SPATA6: variants seen among roughly 807,000 people sequenced by gnomAD.
SPATA6 encodes the protein spermatogenesis-associated protein 6.
Under a neutral mutation model 65.3 loss-of-function variants are expected in SPATA6, and 56 were observed. That is an observed-to-expected ratio of 0.86 (90% CI 0.69 to 1.07). The LOEUF is 1.07. Among genes scored for constraint, SPATA6 ranks in the 50% least tolerant of loss-of-function variants. SPATA6 has a pLI of 0.00. For missense variants in SPATA6, 590 were observed against 594.8 expected, an observed-to-expected ratio of 0.99 and a Z score of 0.08; for synonymous variants, 199 against 213.2, an observed-to-expected ratio of 0.93 and a Z score of 0.58.
the SPATA6 span, among the ~76,000 whole-genome samples, chr1:48,284,757 G>A: frequency 6.6e-6 from 1 of 152,192 alleles, no homozygotes; most frequent in Non-Finnish European, 1.5e-5. Flanking sequence ...ATCACCAGCA[G>A]AGGCTGCAGA....
intron 11 of SPATA6, among the ~76,000 whole-genome samples, chr1:48,331,557 T>A (rs1645914986): frequency 6.6e-6 from 1 of 152,050 alleles, no homozygotes; most frequent in Non-Finnish European, 1.5e-5. Flanking sequence ...CAGAACCTCC[T>A]GGAAATATGG....
chr1:48,413,295 C>CT (rs569870269), intron 3 of SPATA6, 144 bp from the exon 4 acceptor site: 3,090 of 186,246 alleles, frequency 0.017, no homozygotes, highest in Middle Eastern at 0.042. Context: ...ATGTACACTT[C>CT]TTTTTTTTTT....
chr1:48,429,180 G>T (rs1654172219), intron 3 of SPATA6, among the ~76,000 whole-genome samples: 1 of 151,362 alleles, frequency 6.6e-6, no homozygotes. Flanking sequence ...TTTATACTCT[G>T]CTCCCCAATA....
chr1:48,311,636 C>T lies in SPATA6; in HGVS notation c.1195-5758G>A, dbSNP rs181365148. On this transcript the variant is annotated intron_variant, in intron 11 of 12. Coordinates refer to ENST00000371847, the MANE Select transcript of SPATA6 (RefSeq NM_019073.4). ...AACACCTCCAGTCTACAGCTCCCAA[C>T]GTGAGCGACACAGAAGACAAATGAT... Among the ~76,000 whole-genome samples the T allele has an allele frequency of 1.2e-3, 179 of 152,314 alleles. No individual in the cohort carries two copies. The Middle Eastern group carries it at 0.014, about 12-fold the overall frequency.
intron 3 of SPATA6, among the ~76,000 whole-genome samples, chr1:48,416,466 T>G (rs2148002173): frequency 6.6e-6 from 1 of 152,340 alleles, no homozygotes; most frequent in African/African-American, 2.4e-5. Flanking sequence ...CTCACATATG[T>G]ATGTGTGCAT....
chr1:48,399,501 T>C lies in SPATA6; in HGVS notation c.630A>G (p.Thr210=), dbSNP rs1254472808. 4.3e-6 allele frequency: 7 copies of C among 1,613,176 alleles called. No homozygotes were observed. The highest frequency in any genetic ancestry group is 3.3e-5 in the South Asian group (3 of 91,054). The part of the protein sequence containing the change: ...CINAKNYEQP[T]ISSKSHSPSP... ...ATGGAGAGTGTGATTTTGAAGAAAT[T>C]GTAGGCTGTTCGTAGTTTTTTGCAT... Residue 210 remains threonine, a synonymous_variant, in exon 7 of 13, where the codon ACA becomes ACG. Transcript: ENST00000371847.
At chr1:48,304,385 T>C (rs1645009811) in intron 12 of SPATA6, among the ~76,000 whole-genome samples, 1 of 152,188 alleles carries the variant, frequency 6.6e-6, no homozygotes, top group Non-Finnish European at 1.5e-5. Context: ...ATAACACTGC[T>C]TGGTAGCTGA....
the SPATA6 span, among the ~76,000 whole-genome samples, chr1:48,278,582 G>C: frequency 6.6e-6 from 1 of 152,202 alleles, no homozygotes; most frequent in Non-Finnish European, 1.5e-5. Flanking sequence ...AAGGGTATCA[G>C]TGATGGAAGA....
rs1654979141 is a variant in SPATA6 at position 48,436,773 on chromosome 1, G to A, written c.238+14779C>T. The A allele has an allele frequency of 5.6e-6, 9 of 1,614,158 alleles. No homozygotes were observed. The South Asian group carries it at 8.8e-5, about 16-fold the overall frequency. On this transcript the variant is annotated intron_variant, in intron 3 of 12. Coordinates refer to ENST00000371847, the MANE Select transcript of SPATA6 (RefSeq NM_019073.4). ...TAGCCAGTGGGCAGGTGCCTTTCCA[G>A]GACATGCATAGAACTCAGATGCTGT...
chr1:48,357,841 C>T (rs1327810981), intron 10 of SPATA6, among the ~76,000 whole-genome samples: 3 of 151,848 alleles, frequency 2.0e-5, no homozygotes, highest in African/African-American at 7.3e-5. Flanking sequence ...TCTGCTTTAG[C>T]GAAAGTAAAA....
chr1:48,271,011 A>G, the SPATA6 span, among the ~76,000 whole-genome samples: 1 of 152,172 alleles, frequency 6.6e-6, no homozygotes, highest in Non-Finnish European at 1.5e-5. Flanking sequence ...GAATTATTCA[A>G]TCTTTGAGTC....
At chr1:48,300,647 T>TG (rs1233363121) in intron 12 of SPATA6, among the ~76,000 whole-genome samples, 1 of 151,932 alleles carries the variant, frequency 6.6e-6, no homozygotes, top group Non-Finnish European at 1.5e-5. Flanking sequence ...GATGAACAGA[T>TG]GCAAAAATCC....
At chr1:48,303,036 T>G (rs1644977852) in intron 12 of SPATA6, among the ~76,000 whole-genome samples, 1 of 152,084 alleles carries the variant, frequency 6.6e-6, no homozygotes, top group Admixed American at 6.6e-5. Context: ...AGAACTTTTG[T>G]GCCATGGAGC....
chr1:48,451,848 T>C (rs1275412757), intron 2 of SPATA6, among the ~76,000 whole-genome samples: 1 of 152,188 alleles, frequency 6.6e-6, no homozygotes, highest in Non-Finnish European at 1.5e-5. Context: ...CAGGCCTTCT[T>C]GGTGTTCCTC....
chr1:48,290,361 G>A, the SPATA6 span, among the ~76,000 whole-genome samples: 3,840 of 152,192 alleles, frequency 0.025, 102 homozygotes, highest in African/African-American at 0.067. Flanking sequence ...ACTAAACATC[G>A]AAAGGAACAA....
chr1:48,275,203 G>T, the SPATA6 span, among the ~76,000 whole-genome samples: 7 of 152,106 alleles, frequency 4.6e-5, no homozygotes, highest in Non-Finnish European at 1.5e-5. Context: ...TCCCGACACT[G>T]TGCTGAAGTT....
At chr1:48,466,666 T>C (rs1278857301) in intron 1 of SPATA6, among the ~76,000 whole-genome samples, 2 of 151,744 alleles carry the variant, frequency 1.3e-5, no homozygotes, top group Non-Finnish European at 2.9e-5. Context: ...GTTTTTTTTT[T>C]CTATAAATTT....
chr1:48,366,433 C>G (rs1647015071), intron 9 of SPATA6, among the ~76,000 whole-genome samples: 1 of 152,080 alleles, frequency 6.6e-6, no homozygotes, highest in Non-Finnish European at 1.5e-5. Flanking sequence ...GTCATGGACT[C>G]TCTTTGGTTG....
At chr1:48,384,291 G>A (rs941631383) in intron 9 of SPATA6, among the ~76,000 whole-genome samples, 6 of 132,902 alleles carry the variant, frequency 4.5e-5, no homozygotes, top group South Asian at 2.5e-4. Context: ...CAGCAGTACC[G>A]TCCAGCCTTG....
Sources: allele counts gnomAD v4.1 joint callset (sites outside exome capture counted in the v4.1 genomes callset), GRCh38; gene constraint gnomAD v4.1.1; transcripts MANE v1.5; gene names NCBI Gene and HGNC (gene_info 2026-07-23, HGNC 2026-07-21).